The following CCDC28A variants were observed in gnomAD, a reference collection of about 807,000 sequenced individuals.
CCDC28A encodes coiled-coil domain containing 28A.
A neutral mutation model predicts 22.1 loss-of-function variants in CCDC28A; 24 were observed. That is an observed-to-expected ratio of 1.09 (90% confidence interval 0.79 to 1.53). CCDC28A has a LOEUF of 1.53. CCDC28A is among the 40% of genes most tolerant of loss of function. CCDC28A has a pLI of 0.00. For synonymous variants in CCDC28A, 83 were observed against 74.7 expected, an observed-to-expected ratio of 1.11 and a Z score of -0.57; for missense variants, 170 against 210.7, an observed-to-expected ratio of 0.81 and a Z score of 1.20.
chr6:138,784,021 G>GCA (rs1775058268), intron 3 of CCDC28A, among the ~76,000 whole-genome samples: 1 of 151,850 alleles, frequency 6.6e-6, no homozygotes, highest in African/African-American at 2.4e-5. Context: ...GGGATTACAG[G>GCA]CACATGCCAC....
intron 5 of CCDC28A, among the ~76,000 whole-genome samples, chr6:138,791,196 A>G (rs988583174): frequency 6.6e-6 from 1 of 151,600 alleles, no homozygotes; most frequent in African/African-American, 2.4e-5. Context: ...TTGATCTCCC[A>G]CCTCAGCCTC....
At position 138,784,257 on chromosome 6, in the gene CCDC28A, CATG is replaced by C. The variant is rs544548642; in HGVS notation, c.323-965_323-963del. On this transcript the variant is annotated intron_variant, in intron 3 of 5. Transcript: ENST00000617445. Reference sequence around the variant, plus strand: ...TTAAAATGGTAGTTGTCAAACTGGACATGATGAGATGGTGCTGTTTTGCTTCTA... The same window carrying C: ...TTAAAATGGTAGTTGTCAAACTGGACATGAGATGGTGCTGTTTTGCTTCTA... Among the ~76,000 whole-genome samples, 307 of 152,036 alleles carry C rather than the reference CATG, an allele frequency of 2.0e-3. 4 individuals are homozygous for C. Among genetic ancestry groups the C allele is most frequent in the African/African-American group, 7.1e-3 (295 of 41,476 alleles).
intron 5 of CCDC28A, among the ~76,000 whole-genome samples, chr6:138,788,606 T>C (rs901607983): frequency 1.5e-5 from 2 of 132,612 alleles, no homozygotes; most frequent in Admixed American, 7.8e-5. Context: ...GACAGGGTCT[T>C]GCTCAGTGGC....
intron 5 of CCDC28A, among the ~76,000 whole-genome samples, chr6:138,792,459 C>A (rs1163085325): frequency 6.6e-6 from 1 of 151,698 alleles, no homozygotes; most frequent in Admixed American, 6.6e-5. Flanking sequence ...GAGTTCAAGG[C>A]TACAGTGAAG....
At chr6:138,776,400 T>C in intron 2 of CCDC28A, 122 bp downstream of exon 2, 1 of 725,438 alleles carries the variant, frequency 1.4e-6, no homozygotes, top group Non-Finnish European at 2.3e-6. Flanking sequence ...GCACCCATTA[T>C]GCGTGATTTA....
intron 5 of CCDC28A, among the ~76,000 whole-genome samples, chr6:138,789,648 A>G (rs1775141808): frequency 6.6e-6 from 1 of 152,074 alleles, no homozygotes; most frequent in South Asian, 2.1e-4. Flanking sequence ...AACATTGTGA[A>G]CACCTCTCTT....
chr6:138,789,961 A>C (rs1294605918), intron 5 of CCDC28A, among the ~76,000 whole-genome samples: 1 of 152,204 alleles, frequency 6.6e-6, no homozygotes, highest in Admixed American at 6.5e-5. Flanking sequence ...TTGCAGATGA[A>C]GAAAATAAGG....
intron 2 of CCDC28A, 97 bp from the exon 3 acceptor site, chr6:138,779,725 C>T: frequency 7.8e-6 from 7 of 896,888 alleles, no homozygotes; most frequent in Admixed American, 3.2e-5. Context: ...TATTTGATTT[C>T]TTGCTTTTAA....
chr6:138,779,443 T>G (rs1362250331), intron 2 of CCDC28A, among the ~76,000 whole-genome samples: 1 of 152,216 alleles, frequency 6.6e-6, no homozygotes, highest in African/African-American at 2.4e-5. Flanking sequence ...AAACCATATG[T>G]AGAACTACTG....
intron 4 of CCDC28A, among the ~76,000 whole-genome samples, chr6:138,786,809 T>G (rs1775100183): frequency 6.6e-6 from 1 of 152,126 alleles, no homozygotes; most frequent in African/African-American, 2.4e-5. Context: ...AGAGATAGGG[T>G]TTCACCATGT....
At chr6:138,782,903 G>T (rs1775040154) in intron 3 of CCDC28A, among the ~76,000 whole-genome samples, 1 of 151,904 alleles carries the variant, frequency 6.6e-6, no homozygotes. Context: ...TTTAGCTGAG[G>T]TATATTTTAC....
In CCDC28A at chr6:138,779,063, C is replaced by T. The variant is rs568237654; in HGVS notation, c.159-759C>T. Among the ~76,000 whole-genome samples, 8 of 152,288 alleles carry T rather than the reference C, an allele frequency of 5.3e-5. No homozygotes were observed. The South Asian group carries it at 1.0e-3, about 20-fold the overall frequency. ...AATTATAGGCACGAGCCACTGTGCC[C>T]GGCCTACTGAAGCATTTTTAATTAA... is the stretch of plus-strand genomic sequence containing the variant. On this transcript the variant is annotated intron_variant, in intron 2 of 5. Coordinates refer to ENST00000617445, the MANE Select transcript of CCDC28A (RefSeq NM_015439.3).
In CCDC28A at chr6:138,792,871, C is replaced by T; in HGVS notation, c.*68C>T. Reference sequence around the variant, plus strand: ...CAGTCTTTACTTTTCCAGCCAAATCCAGTAGCAGAATCATCTTCCACAACA... The same window carrying T: ...CAGTCTTTACTTTTCCAGCCAAATCTAGTAGCAGAATCATCTTCCACAACA... On this transcript the variant is annotated 3_prime_UTR_variant, in exon 6 of 6. Transcript: ENST00000617445. The T allele has an allele frequency of 1.0e-6, 1 of 1,004,116 alleles. No individual in the cohort carries two copies. The highest frequency in any genetic ancestry group is 1.4e-5 in the South Asian group (1 of 73,360). The allele number at this position is 1,004,116 out of a possible 1,614,324, so 62.2% of individuals were successfully genotyped here.
In CCDC28A at chr6:138,775,032, C is replaced by T. The variant is rs1211397291; in HGVS notation, c.-42-1047C>T. On this transcript the variant is annotated intron_variant, in intron 1 of 5. Coordinates refer to ENST00000617445, the MANE Select transcript of CCDC28A (RefSeq NM_015439.3). ...TCGGCTCAGGGCAAGCTCCGCCTCC[C>T]GGGTTCATGCCATTGTCCTGCCTCA... Among the ~76,000 whole-genome samples, 11 of 152,338 alleles carry T rather than the reference C, an allele frequency of 7.2e-5. No individual in the cohort carries two copies. In the East Asian group the frequency reaches 9.6e-4, roughly 13 times the overall value.
chr6:138,787,722 G>T (rs1188607639), intron 4 of CCDC28A, among the ~76,000 whole-genome samples: 1 of 151,904 alleles, frequency 6.6e-6, no homozygotes, highest in Non-Finnish European at 1.5e-5. Context: ...TAGAGACAGG[G>T]TTTTGTTATG....
intron 4 of CCDC28A, among the ~76,000 whole-genome samples, chr6:138,786,972 T>C (rs1331237748): frequency 6.6e-6 from 1 of 152,202 alleles, no homozygotes; most frequent in East Asian, 1.9e-4. Flanking sequence ...TATAACTTGC[T>C]ATACATTTAG....
chr6:138,779,246 T>C (rs759601189), intron 2 of CCDC28A, among the ~76,000 whole-genome samples: 1 of 152,152 alleles, frequency 6.6e-6, no homozygotes, highest in Admixed American at 6.5e-5. Flanking sequence ...CTGGAGAGAT[T>C]AGATATTTTG....
chr6:138,780,084 T>C (rs1179248529), intron 3 of CCDC28A, 99 bp downstream of exon 3: 1 of 899,048 alleles, frequency 1.1e-6, no homozygotes, highest in African/African-American at 1.7e-5. Context: ...CCAGTTTCTT[T>C]TAAGAAAAAA....
Position 138,792,969 on chromosome 6 carries a change from G to A in CCDC28A, c.*166G>A, listed in dbSNP as rs1268155101. On this transcript the variant is annotated 3_prime_UTR_variant, in exon 6 of 6. Coordinates refer to ENST00000617445, the MANE Select transcript of CCDC28A (RefSeq NM_015439.3). ...CTGCTTTTAGTAAATGTGACTCGCT[G>A]TAATTCACCATAACTGGAGGCCTAG... is the stretch of plus-strand genomic sequence containing the variant. 5.0e-6 allele frequency: 3 copies of A among 604,556 alleles called. No individual in the cohort carries two copies. Among genetic ancestry groups the A allele is most frequent in the Non-Finnish European group, 5.9e-6 (2 of 338,358 alleles). The allele number at this position is 604,556 out of a possible 1,614,324, so 37.4% of individuals were successfully genotyped here. A position where few individuals can be genotyped will look rare whatever the true frequency, so the allele number is the denominator to read the frequency against.
Sources: gnomAD v4.1 joint callset for allele counts (sites outside exome capture counted in the v4.1 genomes callset) on GRCh38, gnomAD v4.1.1 for gene constraint, MANE v1.5 for transcripts, NCBI Gene and HGNC (gene_info 2026-07-23, HGNC 2026-07-21) for gene names.